KCNQ5: variants seen among roughly 807,000 people sequenced by gnomAD.
The protein encoded by KCNQ5 is potassium voltage-gated channel subfamily Q member 5.
In KCNQ5, 30 loss-of-function variants were observed where a neutral mutation model predicts 98.2. The observed-to-expected ratio is 0.31, with a 90% CI of 0.23 to 0.41. The LOEUF is 0.41. Among genes scored for constraint, KCNQ5 ranks in the 10% least tolerant of loss-of-function variants. The pLI, the probability that KCNQ5 is intolerant of heterozygous loss-of-function variation, is 1.00. For synonymous variants in KCNQ5, 458 were observed against 449.4 expected (o/e 1.02, Z -0.24); for missense variants, 835 against 1,182.5 (o/e 0.71, Z 4.31).
chr6:72,782,236 T>C (rs187608483), intron 1 of KCNQ5, among the ~76,000 whole-genome samples: 58 of 150,988 alleles, frequency 3.8e-4, no homozygotes, highest in African/African-American at 1.1e-3. Flanking sequence ...GAGACAATCT[T>C]ATGCACCCTC....
At chr6:72,995,031 A>G (rs1769219854) in intron 1 of KCNQ5, among the ~76,000 whole-genome samples, 1 of 152,210 alleles carries the variant, frequency 6.6e-6, no homozygotes, top group African/African-American at 2.4e-5. Context: ...CTCAATAACA[A>G]TTCCTAGAAA....
intron 1 of KCNQ5, among the ~76,000 whole-genome samples, chr6:72,909,385 G>A (rs903972529): frequency 2.0e-5 from 3 of 152,268 alleles, no homozygotes; most frequent in Non-Finnish European, 2.9e-5. Context: ...AGAGGATAAC[G>A]TGTGAAGAGT....
chr6:73,079,573 T>C (rs1293725228), intron 5 of KCNQ5, among the ~76,000 whole-genome samples: 1 of 152,198 alleles, frequency 6.6e-6, no homozygotes, highest in Non-Finnish European at 1.5e-5. Flanking sequence ...TGAATAAAAA[T>C]GAGAAATACA....
At chr6:72,941,516 C>T (rs1766276661) in intron 1 of KCNQ5, among the ~76,000 whole-genome samples, 1 of 98,264 alleles carries the variant, frequency 1.0e-5, no homozygotes, top group African/African-American at 3.0e-5. Context: ...CTCTCCCTCC[C>T]TTCCTTCCTT....
chr6:72,661,484 A>G (rs1196659460), intron 1 of KCNQ5, among the ~76,000 whole-genome samples: 1 of 152,158 alleles, frequency 6.6e-6, no homozygotes. Flanking sequence ...TTCTCCAATT[A>G]CTGTAACATA....
intron 1 of KCNQ5, among the ~76,000 whole-genome samples, chr6:72,732,912 G>C (rs559630523): frequency 6.6e-6 from 1 of 152,288 alleles, no homozygotes; most frequent in South Asian, 2.1e-4. Flanking sequence ...GGGGAAAATG[G>C]GGGAAAGAAA....
intron 1 of KCNQ5, among the ~76,000 whole-genome samples, chr6:72,765,177 G>GT (rs1280088182): frequency 3.3e-5 from 5 of 151,936 alleles, no homozygotes; most frequent in Non-Finnish European, 7.4e-5. Context: ...TCAATTTTTA[G>GT]TTTTTTGAGA....
intron 1 of KCNQ5, among the ~76,000 whole-genome samples, chr6:72,674,285 A>C (rs1767292395): frequency 6.6e-6 from 1 of 151,634 alleles, no homozygotes. Context: ...TAAATTTCTT[A>C]ACTAGATTAA....
intron 1 of KCNQ5, among the ~76,000 whole-genome samples, chr6:72,860,656 A>T (rs1328895682): frequency 6.6e-6 from 1 of 152,186 alleles, no homozygotes; most frequent in Non-Finnish European, 1.5e-5. Flanking sequence ...ATTTTCTACT[A>T]CAAGAACTTT....
At chr6:73,154,913 A>T (rs780232352) in intron 10 of KCNQ5, among the ~76,000 whole-genome samples, 14 of 152,244 alleles carry the variant, frequency 9.2e-5, no homozygotes, top group Non-Finnish European at 1.9e-4. Context: ...AATTAACCAT[A>T]GTACAACAGA....
chr6:73,146,704 A>G (rs1776941552), intron 10 of KCNQ5, among the ~76,000 whole-genome samples: 1 of 151,082 alleles, frequency 6.6e-6, no homozygotes. Context: ...ACATGTGAGA[A>G]GGCTATCTGA....
chr6:72,950,304 G>C, intron 1 of KCNQ5, among the ~76,000 whole-genome samples: 1 of 152,172 alleles, frequency 6.6e-6, no homozygotes, highest in Non-Finnish European at 1.5e-5. Flanking sequence ...CTGATTAAAA[G>C]ATTATCTGTC....
intron 7 of KCNQ5, among the ~76,000 whole-genome samples, chr6:73,111,776 C>T (rs1412711451): frequency 6.6e-6 from 1 of 152,108 alleles, no homozygotes. Flanking sequence ...TCCCTGCATT[C>T]CAATTACTTT....
intron 1 of KCNQ5, among the ~76,000 whole-genome samples, chr6:72,902,258 C>T (rs1394231689): frequency 6.6e-6 from 1 of 152,094 alleles, no homozygotes; most frequent in Admixed American, 6.6e-5. Flanking sequence ...CTTTAGGGTT[C>T]TCAAGGTAAA....
intron 1 of KCNQ5, among the ~76,000 whole-genome samples, chr6:72,950,534 A>G (rs1766750708): frequency 6.6e-6 from 1 of 152,214 alleles, no homozygotes; most frequent in Non-Finnish European, 1.5e-5. Context: ...TGGTTGCAGC[A>G]GAGCCCCTCA....
chr6:73,132,547 C>T (rs1297924291), intron 9 of KCNQ5, among the ~76,000 whole-genome samples: 4 of 152,218 alleles, frequency 2.6e-5, no homozygotes, highest in African/African-American at 9.6e-5. Context: ...CTTCCTAGCA[C>T]ATCATAGCAT....
In KCNQ5 at chr6:72,791,260, T is replaced by A. The variant is rs114135825; in HGVS notation, c.398+168673T>A. The stretch of plus-strand genomic sequence containing the variant: ...AGGCCAAAGTGTGCTGTAATGTATG[T>A]CCATGTACTCACACATGCATATCCA... On this transcript the variant is annotated intron_variant, in intron 1 of 13. Transcript: ENST00000370398. Among the ~76,000 whole-genome samples, 494 of 152,280 alleles carry A rather than the reference T, an allele frequency of 3.2e-3. 3 individuals are homozygous for A. The highest frequency in any genetic ancestry group is 0.012 in the African/African-American group (478 of 41,558).
chr6:73,157,063 G>A (rs995309437), intron 10 of KCNQ5, among the ~76,000 whole-genome samples: 10 of 152,186 alleles, frequency 6.6e-5, no homozygotes, highest in Non-Finnish European at 1.5e-4. Context: ...AACCACCGGG[G>A]GCCAGGACCT....
intron 1 of KCNQ5, among the ~76,000 whole-genome samples, chr6:72,883,796 A>G (rs991297432): frequency 1.3e-5 from 2 of 152,204 alleles, no homozygotes; most frequent in African/African-American, 2.4e-5. Context: ...GCCACAAAAT[A>G]TAAGGAAATA....
Sources: allele counts gnomAD v4.1 joint callset (sites outside exome capture counted in the v4.1 genomes callset), GRCh38; gene constraint gnomAD v4.1.1; transcripts MANE v1.5; gene names NCBI Gene and HGNC (gene_info 2026-07-23, HGNC 2026-07-21).